Variants in RASGRP1 observed in about 807,000 individuals in gnomAD.
The protein encoded by RASGRP1 is RAS guanyl-releasing protein 1.
A neutral mutation model predicts 95.1 loss-of-function variants in RASGRP1; 37 were observed. That is an observed-to-expected ratio of 0.39 (90% CI 0.30 to 0.51). RASGRP1 has a LOEUF of 0.51. Among genes scored for constraint, RASGRP1 ranks in the 20% least tolerant of loss-of-function variants. The pLI is 0.80. For synonymous variants in RASGRP1, 325 were observed against 353.4 expected (o/e 0.92, Z 0.90); for missense variants, 711 against 965.4 (o/e 0.74, Z 3.49).
chr15:38,515,931 T>C (rs374900766), intron 6 of RASGRP1, among the ~76,000 whole-genome samples: 1 of 135,930 alleles, frequency 7.4e-6, no homozygotes, highest in Non-Finnish European at 1.7e-5. Flanking sequence ...GTGTGTGTGA[T>C]GTGTGCCCAC....
intron 2 of RASGRP1, among the ~76,000 whole-genome samples, chr15:38,532,952 G>GAC (rs1892504286): frequency 1.3e-5 from 2 of 152,080 alleles, no homozygotes; most frequent in African/African-American, 4.8e-5. Context: ...TAAGAGGTGG[G>GAC]GGCCAGCTTT....
chr15:38,519,393 A>G (rs1891911842), intron 3 of RASGRP1, 22 bp from the exon 4 acceptor site: 1 of 1,497,338 alleles, frequency 6.7e-7, no homozygotes, highest in East Asian at 2.3e-5. Flanking sequence ...GTTAAGGGAA[A>G]TGGAGACCTC....
At chr15:38,533,891 A>G (rs1267565965) in intron 2 of RASGRP1, among the ~76,000 whole-genome samples, 3 of 152,128 alleles carry the variant, frequency 2.0e-5, no homozygotes, top group Non-Finnish European at 4.4e-5. Context: ...TACTTCCACT[A>G]TGGCCAGTTT....
intron 11 of RASGRP1, chr15:38,502,966 C>A: frequency 2.5e-6 from 1 of 403,198 alleles, no homozygotes; most frequent in Non-Finnish European, 4.5e-6. Context: ...TTAGGTTTAC[C>A]TGATTACCCC....
intron 2 of RASGRP1, among the ~76,000 whole-genome samples, chr15:38,535,049 G>A (rs190222391): frequency 6.6e-6 from 1 of 152,276 alleles, no homozygotes; most frequent in East Asian, 1.9e-4. Flanking sequence ...TTACGTTTTT[G>A]TGGCACTTAG....
Position 38,512,837 on chromosome 15 carries a change from G to A in RASGRP1, c.795C>T (p.Arg265=), listed in dbSNP as rs572243858. ...SQWVQLMVLS[R]PTPQLRAEVF... is the part of the protein sequence containing the mutation. ...CTTCTGCTCGGAGCTGCGGCGTGGG[G>A]CGGCTGAGAACCATCAGTTGTACCC... Residue 265 remains arginine, a synonymous_variant, in exon 7 of 17, where the codon CGC becomes CGT. Transcript: ENST00000310803. 53 of 1,613,726 alleles carry A rather than the reference G, an allele frequency of 3.3e-5. No homozygotes were observed. In the East Asian group the frequency reaches 8.7e-4, roughly 26 times the overall value.
At chr15:38,564,485 G>C in intron 1 of RASGRP1, 109 bp downstream of exon 1, 2 of 898,000 alleles carry the variant, frequency 2.2e-6, no homozygotes, top group Non-Finnish European at 1.4e-6. Flanking sequence ...GGCCGACCCC[G>C]GCCCCCCTCC....
chr15:38,495,882 A>G (rs903840148), intron 15 of RASGRP1, among the ~76,000 whole-genome samples: 2 of 152,194 alleles, frequency 1.3e-5, no homozygotes, highest in South Asian at 4.1e-4. Flanking sequence ...TAGATTGTCA[A>G]ATTATGAATA....
At chr15:38,519,198 C>T (rs972648330) in intron 4 of RASGRP1, 111 bp downstream of exon 4, 55 of 717,144 alleles carry the variant, frequency 7.7e-5, no homozygotes, top group African/African-American at 1.8e-5. Flanking sequence ...TACCCTTTTC[C>T]ATCTGTCCAA....
intron 2 of RASGRP1, among the ~76,000 whole-genome samples, chr15:38,550,140 C>T (rs760800628): frequency 6.6e-6 from 1 of 150,566 alleles, no homozygotes; most frequent in Non-Finnish European, 1.5e-5. Flanking sequence ...CACCCAGCTA[C>T]TCGGGTGGCT....
chr15:38,530,752 G>A (rs917613754), intron 2 of RASGRP1, among the ~76,000 whole-genome samples: 37 of 152,206 alleles, frequency 2.4e-4, no homozygotes, highest in Non-Finnish European at 2.9e-5. Context: ...GGACTTAGAC[G>A]TGTCCTGGGT....
chr15:38,497,989 C>T lies in RASGRP1; in HGVS notation c.1873+805G>A, dbSNP rs191175806. The stretch of plus-strand genomic sequence containing the variant: ...TTGACAATTACCTGCTACCTGGCCC[C>T]TCAGGGTTCCTCAGACTAGGACCTG... On this transcript the variant is annotated intron_variant, in intron 15 of 16. Transcript: ENST00000310803. 3.9e-5 allele frequency among the ~76,000 whole-genome samples: 6 copies of T among 152,282 alleles called. No homozygotes were observed. The East Asian group carries it at 1.2e-3, about 29-fold the overall frequency.
chr15:38,494,082 C>A (rs1249654026), intron 16 of RASGRP1, among the ~76,000 whole-genome samples: 1 of 152,170 alleles, frequency 6.6e-6, no homozygotes, highest in Non-Finnish European at 1.5e-5. Context: ...GGCACTGGCA[C>A]CAGCACTCTG....
At chr15:38,526,946 C>T (rs1892248290) in intron 2 of RASGRP1, among the ~76,000 whole-genome samples, 1 of 152,060 alleles carries the variant, frequency 6.6e-6, no homozygotes, top group African/African-American at 2.4e-5. Context: ...GTTAATATGC[C>T]TCTGGATGGA....
chr15:38,502,551 CCTG>C, intron 11 of RASGRP1, 130 bp from the exon 12 acceptor site: 1 of 620,432 alleles, frequency 1.6e-6, no homozygotes, highest in South Asian at 2.0e-5. Flanking sequence ...AACAGGGAAA[CCTG>C]CTCCTTTAGC....
At chr15:38,513,529 G>A (rs1245081615) in intron 6 of RASGRP1, among the ~76,000 whole-genome samples, 1 of 152,178 alleles carries the variant, frequency 6.6e-6, no homozygotes, top group Non-Finnish European at 1.5e-5. Flanking sequence ...GCTAATACAA[G>A]CCTGTTTGTA....
In RASGRP1 at chr15:38,489,395, A is replaced by G. The variant is rs1236895864; in HGVS notation, c.*1159T>C. ...ACTTGTGATTTTGCCAAACAATACAATTTTACCTTGTGAGCAATTTAATCT... is the reference window on the plus strand; with the variant it reads ...ACTTGTGATTTTGCCAAACAATACAGTTTTACCTTGTGAGCAATTTAATCT... On this transcript the variant is annotated 3_prime_UTR_variant, in exon 17 of 17. Transcript: ENST00000310803. 4 of 152,068 alleles carry G rather than the reference A, an allele frequency of 2.6e-5. No individual in the cohort carries two copies. The highest frequency in any genetic ancestry group is 4.4e-5 in the Non-Finnish European group (3 of 67,892). The allele number at this position is 152,068 out of a possible 1,614,324, so 9.4% of individuals were successfully genotyped here.
At chr15:38,499,072 AC>A in intron 14 of RASGRP1, 126 bp from the exon 15 acceptor site, 1 of 1,277,032 alleles carries the variant, frequency 7.8e-7, no homozygotes, top group Admixed American at 1.7e-5. Flanking sequence ...GAGCTAAGAC[AC>A]TTAACATTCC....
At position 38,507,877 on chromosome 15, in the gene RASGRP1, G is replaced by A; in HGVS notation, c.1091C>T (p.Ser364Phe). 6.2e-7 allele frequency: 1 copy of A among 1,613,698 alleles called. No homozygotes were observed. The highest frequency in any genetic ancestry group is 1.7e-5 in the Admixed American group (1 of 60,008). ...ILGVHLKDLI[S>F]LYEAMPDYLE... is the part of the protein sequence containing the mutation. ...ATAGTCAGGCATGGCTTCATACAGG[G>A]AGATGAGGTCCTTGAGATGCACACC... Residue 364 changes from serine (S) to phenylalanine (F), a missense_variant, in exon 9 of 17, where the codon TCC (serine) becomes TTC (phenylalanine). Physicochemically the swap from Ser to Phe is radical, Grantham distance 155. Around this residue, in one of 3 missense-constraint regions of RASGRP1, gnomAD observed 491 missense variants for 676.6 expected, o/e 0.73. Transcript: ENST00000310803.
Sources: gnomAD v4.1 joint callset for allele counts (sites outside exome capture counted in the v4.1 genomes callset) on GRCh38, gnomAD v4.1.1 for gene constraint, gnomAD v4.1.1 regional missense constraint, MANE v1.5 for transcripts, NCBI Gene and HGNC (gene_info 2026-07-23, HGNC 2026-07-21) for gene names.